KCNIP4: variants seen among roughly 807,000 people sequenced by gnomAD.
KCNIP4 encodes Kv channel-interacting protein 4.
In KCNIP4, 12 loss-of-function variants were observed where a neutral mutation model predicts 34.0. The ratio of observed to expected loss-of-function variants is 0.35; its 90% confidence interval spans 0.23 to 0.57. The LOEUF (loss-of-function observed/expected upper bound fraction) is 0.57, where lower values mean the gene tolerates loss of function less well. Ranked by LOEUF, KCNIP4 falls within the 20% of genes least tolerant of loss-of-function variation. The pLI, the probability that KCNIP4 is intolerant of heterozygous loss-of-function variation, is 0.83. For missense variants in KCNIP4, 238 were observed against 311.7 expected, an observed-to-expected ratio of 0.76 and a Z score of 1.78; for synonymous variants, 124 against 102.2, an observed-to-expected ratio of 1.21 and a Z score of -1.29.
intron 1 of KCNIP4, among the ~76,000 whole-genome samples, chr4:21,054,181 G>A (rs1331393519): frequency 2.0e-5 from 3 of 152,100 alleles, no homozygotes; most frequent in African/African-American, 7.2e-5. Flanking sequence ...AACAAAGTTA[G>A]AGAACTGGCA....
intron 3 of KCNIP4, among the ~76,000 whole-genome samples, chr4:20,786,211 G>A (rs1277213435): frequency 6.6e-6 from 1 of 152,030 alleles, no homozygotes; most frequent in East Asian, 1.9e-4. Flanking sequence ...ACCAAATACT[G>A]CATGTACTCA....
chr4:20,911,644 G>T (rs962897952), intron 1 of KCNIP4, among the ~76,000 whole-genome samples: 5 of 152,124 alleles, frequency 3.3e-5, no homozygotes, highest in Non-Finnish European at 7.4e-5. Flanking sequence ...ACCTAGGTTG[G>T]CAGGGATTAA....
At chr4:21,437,880 AGTGTGTGTGTGTGTGTGTGTGT>A (rs71655635) in intron 1 of KCNIP4, among the ~76,000 whole-genome samples, 1 of 143,268 alleles carries the variant, frequency 7.0e-6, no homozygotes, top group Non-Finnish European at 1.5e-5. Context: ...TTATTTTACA[AGTGTGTGTGTGTGTGTGTGTGT>A]GTGTGTGTGT....
At chr4:21,576,986 T>C (rs575837806) in intron 1 of KCNIP4, among the ~76,000 whole-genome samples, 1 of 152,192 alleles carries the variant, frequency 6.6e-6, no homozygotes, top group Non-Finnish European at 1.5e-5. Context: ...ATTAGTTTTA[T>C]GATTAACTTC....
chr4:21,622,247 A>G (rs2202311), intron 1 of KCNIP4, among the ~76,000 whole-genome samples: 3,707 of 152,204 alleles, frequency 0.024, 82 homozygotes, highest in South Asian at 0.039. Context: ...TAATGACTTT[A>G]CCCCCAAGAT....
At chr4:21,750,796 G>A (rs1482829027) in intron 1 of KCNIP4, among the ~76,000 whole-genome samples, 1 of 152,098 alleles carries the variant, frequency 6.6e-6, no homozygotes, top group Non-Finnish European at 1.5e-5. Flanking sequence ...GAATGGGAAG[G>A]TGGAGAAGGT....
chr4:21,384,959 G>A (rs759844437), intron 1 of KCNIP4, among the ~76,000 whole-genome samples: 3 of 152,078 alleles, frequency 2.0e-5, no homozygotes, highest in Admixed American at 6.6e-5. Flanking sequence ...TAAGAGGGGC[G>A]CTTTGTCTCT....
At chr4:20,957,064 G>C (rs1375311746) in intron 1 of KCNIP4, among the ~76,000 whole-genome samples, 4 of 152,124 alleles carry the variant, frequency 2.6e-5, no homozygotes, top group Non-Finnish European at 5.9e-5. Flanking sequence ...AAAAGAAAAA[G>C]TGGAAGAAAA....
chr4:21,133,075 G>A (rs1388010486), intron 1 of KCNIP4, among the ~76,000 whole-genome samples: 1 of 152,016 alleles, frequency 6.6e-6, no homozygotes, highest in Non-Finnish European at 1.5e-5. Flanking sequence ...TTTAGGGAAG[G>A]GAATTCATTA....
rs147842735 is a variant in KCNIP4 at position 21,520,742 on chromosome 4, G to T, written c.61+427829C>A. 2.9e-3 allele frequency among the ~76,000 whole-genome samples: 442 copies of T among 152,096 alleles called. 1 individual carries two copies. The highest frequency in any genetic ancestry group is 4.9e-3 in the Admixed American group (75 of 15,252). ...TATTTTTAAATGAAAAATGCTGCCT[G>T]CCCACCTGAGAAAATAATTTAGGAA... On this transcript the variant is annotated intron_variant, in intron 1 of 8. Transcript: ENST00000382152.
At chr4:20,736,022 G>GT (rs1304137889) in intron 5 of KCNIP4, among the ~76,000 whole-genome samples, 10 of 152,178 alleles carry the variant, frequency 6.6e-5, no homozygotes, top group East Asian at 1.9e-4. Flanking sequence ...TTCTCAAAAT[G>GT]TTTTTTCTTT....
At chr4:21,389,521 C>A (rs1173265782) in intron 1 of KCNIP4, among the ~76,000 whole-genome samples, 1 of 137,736 alleles carries the variant, frequency 7.3e-6, no homozygotes, top group East Asian at 2.2e-4. Flanking sequence ...TCTTATTGTT[C>A]AATTCCCACC....
chr4:20,790,875 T>C (rs762898055), intron 3 of KCNIP4, among the ~76,000 whole-genome samples: 11 of 152,178 alleles, frequency 7.2e-5, no homozygotes, highest in Non-Finnish European at 1.5e-4. Flanking sequence ...TGGATTATTT[T>C]GTTGCCTAAG....
intron 1 of KCNIP4, among the ~76,000 whole-genome samples, chr4:21,439,292 G>A (rs1727236187): frequency 6.6e-6 from 1 of 151,940 alleles, no homozygotes. Flanking sequence ...CTATGTTTAT[G>A]AATATCGCCA....
chr4:20,976,482 G>T (rs189282367), intron 1 of KCNIP4, among the ~76,000 whole-genome samples: 4 of 152,286 alleles, frequency 2.6e-5, no homozygotes, highest in Admixed American at 2.0e-4. Flanking sequence ...CAAAGATTGG[G>T]ATTATTAACC....
At chr4:21,942,752 T>G (rs967525505) in intron 1 of KCNIP4, among the ~76,000 whole-genome samples, 6 of 152,176 alleles carry the variant, frequency 3.9e-5, no homozygotes, top group African/African-American at 1.4e-4. Flanking sequence ...AGTTTTTTGT[T>G]TTGTTTTGTT....
chr4:21,481,824 T>C (rs916223166), intron 1 of KCNIP4, among the ~76,000 whole-genome samples: 2 of 152,080 alleles, frequency 1.3e-5, no homozygotes, highest in Non-Finnish European at 2.9e-5. Flanking sequence ...GAGGTAAACA[T>C]GAAAAAATAA....
chr4:21,177,173 G>T (rs1476577459), intron 1 of KCNIP4, among the ~76,000 whole-genome samples: 1 of 152,008 alleles, frequency 6.6e-6, no homozygotes, highest in East Asian at 1.9e-4. Context: ...GCATTGTGTA[G>T]GGATTTCAAT....
chr4:21,036,238 A>C (rs1348210186), intron 1 of KCNIP4, among the ~76,000 whole-genome samples: 2 of 152,178 alleles, frequency 1.3e-5, no homozygotes, highest in Admixed American at 6.5e-5. Flanking sequence ...TCTGCACAAA[A>C]ATTCTGCTAG....
Sources: allele counts gnomAD v4.1 joint callset (sites outside exome capture counted in the v4.1 genomes callset), GRCh38; gene constraint gnomAD v4.1.1; transcripts MANE v1.5; gene names NCBI Gene and HGNC (gene_info 2026-07-23, HGNC 2026-07-21).